CELF5: variants seen among roughly 807,000 people sequenced by gnomAD.
CELF5 encodes the protein CUGBP Elav-like family member 5.
A neutral mutation model predicts 54.9 loss-of-function variants in CELF5; 6 were observed. The observed-to-expected ratio is 0.11, with a 90% CI of 0.06 to 0.22. The LOEUF (loss-of-function observed/expected upper bound fraction) is 0.22. CELF5 is among the 10% of genes least tolerant of loss of function. The probability of loss-of-function intolerance (pLI) is 1.00; values close to 1 mark genes in which losing one functional copy is unlikely to be tolerated. For synonymous variants in CELF5, 271 were observed against 290.9 expected, an observed-to-expected ratio of 0.93 and a Z score of 0.70; for missense variants, 401 against 678.6, an observed-to-expected ratio of 0.59 and a Z score of 4.54.
intron 9 of CELF5, among the ~76,000 whole-genome samples, chr19:3,285,624 G>C (rs1428278436): frequency 8.0e-6 from 1 of 125,364 alleles, no homozygotes; most frequent in Non-Finnish European, 1.7e-5. Context: ...CTCTACTGTG[G>C]CCCAACCCCT....
intron 12 of CELF5, chr19:3,294,629 TCA>T (rs2080404966): frequency 1.3e-5 from 2 of 151,782 alleles, no homozygotes; most frequent in Admixed American, 6.6e-5. Context: ...CTTTTAACTC[TCA>T]GTCTGCACTT....
intron 2 of CELF5, among the ~76,000 whole-genome samples, chr19:3,256,871 T>C (rs1327816106): frequency 6.6e-6 from 1 of 151,792 alleles, no homozygotes; most frequent in East Asian, 1.9e-4. Flanking sequence ...CCTGGCCTTA[T>C]TATTTTTTTT....
Position 3,268,839 on chromosome 19 carries a change from G to A in CELF5, c.343-5033G>A, listed in dbSNP as rs1004804052. 9.2e-5 allele frequency among the ~76,000 whole-genome samples: 14 copies of A among 151,790 alleles called. No homozygotes were observed. Among genetic ancestry groups the A allele is most frequent in the African/African-American group, 3.4e-4 (14 of 41,298 alleles). ...CGGAAGACTTCAGGGAGGAGGTGGC[G>A]TTTGAGGGGTAAGGATGGGGTGCAG... On this transcript the variant is annotated intron_variant, in intron 2 of 12. Transcript: ENST00000292672. This position sits in a 1 kb window ranked among gnomAD's most constrained non-coding sequence, Gnocchi z 4.4.
rs370713423 is a variant in CELF5, at chr19:3,266,235, C to T, written c.343-7637C>T. On this transcript the variant is annotated intron_variant, in intron 2 of 12. Transcript: ENST00000292672. ...TAACTTCTAGGTGTTGCTGTGGCAA[C>T]GGTAAACGGACATGGCACCCCGGTG... 2.5e-4 allele frequency among the ~76,000 whole-genome samples: 38 copies of T among 152,176 alleles called. 2 individuals are homozygous for T. In the South Asian group the frequency reaches 6.2e-3, roughly 25 times the overall value.
chr19:3,232,417 A>C (rs1284779036), intron 1 of CELF5, among the ~76,000 whole-genome samples: 1 of 151,552 alleles, frequency 6.6e-6, no homozygotes, highest in African/African-American at 2.4e-5. Flanking sequence ...GGTGGTGTGC[A>C]ACTGTAGTCC....
At chr19:3,244,096 G>A (rs1445225309) in intron 1 of CELF5, among the ~76,000 whole-genome samples, 1 of 152,044 alleles carries the variant, frequency 6.6e-6, no homozygotes, top group Non-Finnish European at 1.5e-5. Context: ...TTATCCAGGG[G>A]TGGGTAAACA....
chr19:3,254,408 CCCA>C (rs1461666795), intron 2 of CELF5, among the ~76,000 whole-genome samples: 1 of 150,506 alleles, frequency 6.6e-6, no homozygotes, highest in Non-Finnish European at 1.5e-5. Flanking sequence ...CCATCATCCA[CCCA>C]TCCTCTCATC....
At chr19:3,291,240 C>G (rs1262528203) in intron 11 of CELF5, among the ~76,000 whole-genome samples, 1 of 151,648 alleles carries the variant, frequency 6.6e-6, no homozygotes, top group Non-Finnish European at 1.5e-5. Flanking sequence ...CATTCCAGCC[C>G]AGACAACACA....
chr19:3,257,785 T>TA (rs1419977192), intron 2 of CELF5, among the ~76,000 whole-genome samples: 10 of 80,550 alleles, frequency 1.2e-4, no homozygotes, highest in Admixed American at 9.3e-4. Flanking sequence ...CTCCATTTTT[T>TA]TTTATTTATT....
chr19:3,281,058 G>T lies in CELF5; in HGVS notation c.604-141G>T, dbSNP rs2080142480. 1.0e-6 allele frequency: 1 copy of T among 997,622 alleles called. No homozygotes were observed. Among genetic ancestry groups the T allele is most frequent in the Non-Finnish European group, 1.5e-6 (1 of 668,004 alleles). 61.8% of individuals were successfully genotyped at this position (997,622 alleles called of 1,614,324 possible). On this transcript the variant is annotated intron_variant, in intron 5 of 12. Transcript: ENST00000292672. This position sits in a 1 kb window ranked among gnomAD's most constrained non-coding sequence, Gnocchi z 6.5. ...CCTCGCTGTGGCCCTGGCTCCTGGG[G>T]TGGGGGCCCGTGGACATGGCTGACA... is the stretch of plus-strand genomic sequence containing the variant.
intron 2 of CELF5, among the ~76,000 whole-genome samples, chr19:3,263,357 C>G (rs1352171017): frequency 6.7e-6 from 1 of 150,168 alleles, no homozygotes; most frequent in Non-Finnish European, 1.5e-5. Flanking sequence ...GTCAGGAGAT[C>G]GAGACCAGGC....
chr19:3,271,734 C>T (rs1250220838), intron 2 of CELF5, among the ~76,000 whole-genome samples: 1 of 151,958 alleles, frequency 6.6e-6, no homozygotes, highest in Non-Finnish European at 1.5e-5. Context: ...GGTGGAAATC[C>T]AGAGGGGTCT....
rs2080098757 is a variant in CELF5, at chr19:3,278,701, T to TGTGTG, written c.603+591_603+592insGTGTG. ...GGTTTGTGTGTGTGTGTGTGTGTGT[T>TGTGTG]TGTGTGTGTGCATGACTGTGAGTGT... On this transcript the variant is annotated intron_variant, in intron 5 of 12. Coordinates refer to ENST00000292672, the MANE Select transcript of CELF5 (RefSeq NM_021938.4). This position sits in a 1 kb window ranked among gnomAD's most constrained non-coding sequence, Gnocchi z 4.5. Among the ~76,000 whole-genome samples, 1 of 116,246 alleles carries TGTGTG rather than the reference T, an allele frequency of 8.6e-6. No individual in the cohort carries two copies. The highest frequency in any genetic ancestry group is 8.7e-5 in the Admixed American group (1 of 11,434). 76.3% of individuals were successfully genotyped at this position (116,246 alleles called of 152,430 possible). A position where few individuals can be genotyped will look rare whatever the true frequency, so the allele number is the denominator to read the frequency against.
chr19:3,250,201 G>C (rs1187317995), intron 1 of CELF5, among the ~76,000 whole-genome samples: 1 of 152,112 alleles, frequency 6.6e-6, no homozygotes, highest in Non-Finnish European at 1.5e-5. Flanking sequence ...TTAAATGCAT[G>C]GTTCAGGCCG....
chr19:3,225,563 C>G, intron 1 of CELF5: 1 of 981,974 alleles, frequency 1.0e-6, no homozygotes. Flanking sequence ...AAAGCCAGGC[C>G]GGCGGGGCAG....
At chr19:3,296,279 C>T (rs1163515382) in intron 12 of CELF5, 3 of 131,992 alleles carry the variant, frequency 2.3e-5, no homozygotes, top group Non-Finnish European at 4.6e-5. Context: ...GGCCTCTTAC[C>T]AAATGAGGCG....
At chr19:3,284,169 C>A (rs969061730) in intron 8 of CELF5, among the ~76,000 whole-genome samples, 3 of 152,000 alleles carry the variant, frequency 2.0e-5, no homozygotes, top group Non-Finnish European at 4.4e-5. Flanking sequence ...TTTTTGTATG[C>A]ACTCTGTGCA....
At chr19:3,270,436 G>A (rs993622184) in intron 2 of CELF5, among the ~76,000 whole-genome samples, 1 of 151,854 alleles carries the variant, frequency 6.6e-6, no homozygotes, top group Non-Finnish European at 1.5e-5. Flanking sequence ...CCAGATGGAC[G>A]GGCAGGGGCG....
intron 1 of CELF5, among the ~76,000 whole-genome samples, chr19:3,241,412 T>C (rs2079489064): frequency 6.6e-6 from 1 of 151,734 alleles, no homozygotes; most frequent in Non-Finnish European, 1.5e-5. Flanking sequence ...GCTTTGAAAA[T>C]AGGGTGGGTG....
Sources: gnomAD v4.1 joint callset for allele counts (sites outside exome capture counted in the v4.1 genomes callset) on GRCh38, gnomAD v4.1.1 for gene constraint, Gnocchi (gnomAD v3.1) non-coding constraint, MANE v1.5 for transcripts, NCBI Gene and HGNC (gene_info 2026-07-23, HGNC 2026-07-21) for gene names.